The following FSHR variants were observed in gnomAD, a reference collection of about 807,000 sequenced individuals.
FSHR encodes follicle-stimulating hormone receptor.
In FSHR, 46 loss-of-function variants were observed where a neutral mutation model predicts 52.1. The observed-to-expected ratio is 0.88, with a 90% CI of 0.70 to 1.13. The LOEUF (loss-of-function observed/expected upper bound fraction) is 1.13, where lower values mean the gene tolerates loss of function less well. Ranked by LOEUF, FSHR falls within the 50% of genes most tolerant of loss-of-function variation. The probability of loss-of-function intolerance (pLI) is 0.00; values close to 1 mark genes in which losing one functional copy is unlikely to be tolerated. For missense variants in FSHR, 964 were observed against 834.6 expected, an observed-to-expected ratio of 1.16 and a Z score of -1.91; for synonymous variants, 399 against 309.6, an observed-to-expected ratio of 1.29 and a Z score of -3.03.
chr2:48,968,614 T>A lies in FSHR; in HGVS notation c.854+84A>T. 5 of 1,502,884 alleles carry A rather than the reference T, an allele frequency of 3.3e-6. No homozygotes were observed. In the East Asian group the frequency reaches 9.0e-5, roughly 27 times the overall value. The allele number at this position is 1,502,884 out of a possible 1,614,324, so 93.1% of individuals were successfully genotyped here. On this transcript the variant is annotated intron_variant, in intron 9 of 9. Transcript: ENST00000406846. ...CAGGGAACTCTCTGCAAGTAGATTCTCTTCATGTCACAGATAGGTAGAAAT... is the reference window on the plus strand; with the variant it reads ...CAGGGAACTCTCTGCAAGTAGATTCACTTCATGTCACAGATAGGTAGAAAT...
chr2:49,070,433 A>G (rs189109224), intron 1 of FSHR, among the ~76,000 whole-genome samples: 6 of 152,296 alleles, frequency 3.9e-5, no homozygotes, highest in East Asian at 1.9e-4. Context: ...TAGTTAATAC[A>G]TACAAGTTCC....
At chr2:49,009,513 CT>C (rs1160726074) in intron 4 of FSHR, among the ~76,000 whole-genome samples, 1 of 129,554 alleles carries the variant, frequency 7.7e-6, no homozygotes, top group African/African-American at 2.8e-5. Flanking sequence ...GATGCGGGCT[CT>C]TTTTTGGTTC....
intron 2 of FSHR, among the ~76,000 whole-genome samples, chr2:49,039,584 C>T (rs893362278): frequency 6.6e-6 from 1 of 152,162 alleles, no homozygotes; most frequent in South Asian, 2.1e-4. Flanking sequence ...TTGGCTTAGA[C>T]TAGAGGTGAC....
intron 2 of FSHR, among the ~76,000 whole-genome samples, chr2:49,041,753 C>T (rs1466358576): frequency 6.6e-6 from 1 of 151,940 alleles, no homozygotes; most frequent in African/African-American, 2.4e-5. Flanking sequence ...ACTCTCTCAG[C>T]CTTAGGGAAC....
chr2:48,990,230 G>A (rs959347750), intron 5 of FSHR, among the ~76,000 whole-genome samples: 1 of 152,110 alleles, frequency 6.6e-6, no homozygotes. Flanking sequence ...GAAAGAAGAG[G>A]AGAGGATGCT....
intron 8 of FSHR, among the ~76,000 whole-genome samples, chr2:48,979,337 A>T (rs1224418606): frequency 6.6e-6 from 1 of 152,134 alleles, no homozygotes; most frequent in Non-Finnish European, 1.5e-5. Flanking sequence ...GCTACTCAGA[A>T]GGCTGAGGCA....
In FSHR at chr2:48,964,662, A is replaced by G. The variant is rs111771823; in HGVS notation, c.855-696T>C. On this transcript the variant is annotated intron_variant, in intron 9 of 9. Transcript: ENST00000406846. The stretch of plus-strand genomic sequence containing the variant: ...CAGTTTCCTAGTGAGTGCCCCAAAG[A>G]ACAATGCAAGCTGCAAAAGGACCTA... 9.5e-3 allele frequency among the ~76,000 whole-genome samples: 1,447 copies of G among 152,266 alleles called. 22 individuals are homozygous for G. The highest frequency in any genetic ancestry group is 0.033 in the African/African-American group (1,369 of 41,546).
intron 1 of FSHR, among the ~76,000 whole-genome samples, chr2:49,086,683 G>A (rs746505633): frequency 7.9e-5 from 12 of 151,994 alleles, no homozygotes; most frequent in South Asian, 2.1e-4. Context: ...CTCTTTTGCC[G>A]AGGCTGGAGT....
At chr2:48,997,331 T>C (rs1676067480) in intron 4 of FSHR, 9 of 985,102 alleles carry the variant, frequency 9.1e-6, no homozygotes, top group Non-Finnish European at 1.1e-5. Flanking sequence ...TTTGTCTCAG[T>C]CTCCATGGAA....
At chr2:49,034,752 A>C (rs951583130) in intron 2 of FSHR, among the ~76,000 whole-genome samples, 1 of 152,050 alleles carries the variant, frequency 6.6e-6, no homozygotes, top group African/African-American at 2.4e-5. Context: ...TCTCCTTGCC[A>C]TTATTCTTTT....
intron 4 of FSHR, among the ~76,000 whole-genome samples, chr2:48,994,480 TAAA>T (rs1379429089): frequency 6.6e-6 from 1 of 152,114 alleles, no homozygotes; most frequent in Non-Finnish European, 1.5e-5. Flanking sequence ...TTAAGGCACT[TAAA>T]AAGATCTAGT....
chr2:49,031,584 A>T (rs1363749435), intron 2 of FSHR, among the ~76,000 whole-genome samples: 1 of 152,146 alleles, frequency 6.6e-6, no homozygotes, highest in Non-Finnish European at 1.5e-5. Context: ...ATAGGAGTGC[A>T]TTTTCATTAA....
chr2:49,035,462 C>T (rs907349256), intron 2 of FSHR, among the ~76,000 whole-genome samples: 3 of 152,152 alleles, frequency 2.0e-5, no homozygotes, highest in Non-Finnish European at 4.4e-5. Context: ...TGCCTCCCAC[C>T]AGGGAAGTGT....
At chr2:49,041,075 A>T (rs1250541740) in intron 2 of FSHR, among the ~76,000 whole-genome samples, 2 of 152,216 alleles carry the variant, frequency 1.3e-5, no homozygotes, top group African/African-American at 4.8e-5. Flanking sequence ...AAACTACCTG[A>T]CAATGCAAGA....
chr2:49,005,306 G>C (rs550669584), intron 4 of FSHR, among the ~76,000 whole-genome samples: 2 of 152,206 alleles, frequency 1.3e-5, no homozygotes. Context: ...TTCAACATCA[G>C]TGTTCTGGAA....
At chr2:49,107,734 C>T (rs1438234527) in intron 1 of FSHR, among the ~76,000 whole-genome samples, 1 of 151,956 alleles carries the variant, frequency 6.6e-6, no homozygotes, top group Non-Finnish European at 1.5e-5. Flanking sequence ...ACTACTATTC[C>T]CAATTTTATA....
intron 1 of FSHR, among the ~76,000 whole-genome samples, chr2:49,102,613 A>C (rs1671074296): frequency 1.3e-5 from 2 of 152,214 alleles, no homozygotes; most frequent in African/African-American, 4.8e-5. Context: ...TGAGTGCTGA[A>C]GTTCAGTAAA....
intron 1 of FSHR, among the ~76,000 whole-genome samples, chr2:49,117,055 G>A (rs1273315806): frequency 5.9e-5 from 9 of 152,196 alleles, no homozygotes; most frequent in Non-Finnish European, 2.9e-5. Context: ...AGCACTTTGT[G>A]AGCCCAGTTA....
At chr2:49,149,947 C>T (rs1673004937) in intron 1 of FSHR, among the ~76,000 whole-genome samples, 1 of 151,972 alleles carries the variant, frequency 6.6e-6, no homozygotes, top group South Asian at 2.1e-4. Context: ...ATCAATAGAC[C>T]CTTTTCTTCT....
Sources: allele counts gnomAD v4.1 joint callset (sites outside exome capture counted in the v4.1 genomes callset), GRCh38; gene constraint gnomAD v4.1.1; transcripts MANE v1.5; gene names NCBI Gene and HGNC (gene_info 2026-07-23, HGNC 2026-07-21).